Variants in ATP8A2 observed in about 807,000 individuals in gnomAD.
ATP8A2 encodes ATPase phospholipid transporting 8A2, also known as phospholipid-transporting ATPase IB.
A neutral mutation model predicts 165.6 loss-of-function variants in ATP8A2; 100 were observed. The ratio of observed to expected loss-of-function variants is 0.60; its 90% CI spans 0.51 to 0.71. The LOEUF (loss-of-function observed/expected upper bound fraction) is 0.71, where lower values mean the gene tolerates loss of function less well. Among genes scored for constraint, ATP8A2 ranks in the 30% least tolerant of loss-of-function variants. The pLI, the probability that ATP8A2 is intolerant of heterozygous loss-of-function variation, is 0.00. For synonymous variants in ATP8A2, 543 were observed against 548.8 expected (o/e 0.99, Z 0.15); for missense variants, 1,227 against 1,479.5 (o/e 0.83, Z 2.80).
intron 33 of ATP8A2, among the ~76,000 whole-genome samples, chr13:25,876,682 G>A (rs1952827262): frequency 6.6e-6 from 1 of 152,126 alleles, no homozygotes; most frequent in Non-Finnish European, 1.5e-5. Context: ...AGAAATAAAA[G>A]GAAATGGAGG....
Position 25,626,591 on chromosome 13 carries a change from T to C in ATP8A2, c.2211+36892T>C, listed in dbSNP as rs188653269. The stretch of plus-strand genomic sequence containing the variant: ...CCTTAAATAGAACTCAGAGCTCAAC[T>C]GTGGGAAGGTAGACGAATGAATAAG... On this transcript the variant is annotated intron_variant, in intron 24 of 36. Coordinates refer to ENST00000381655, the MANE Select transcript of ATP8A2 (RefSeq NM_016529.6). Among the ~76,000 whole-genome samples the C allele has an allele frequency of 1.9e-4, 29 of 152,264 alleles. 1 individual carries two copies. Among genetic ancestry groups the C allele is most frequent in the Middle Eastern group, 3.4e-3 (1 of 294 alleles).
At chr13:25,657,621 C>T (rs118047720) in intron 24 of ATP8A2, among the ~76,000 whole-genome samples, 1 of 152,288 alleles carries the variant, frequency 6.6e-6, no homozygotes, top group East Asian at 1.9e-4. Flanking sequence ...GCTGCAACCA[C>T]ACTAGTTTGC....
intron 36 of ATP8A2, among the ~76,000 whole-genome samples, chr13:26,015,031 T>C (rs1326272348): frequency 1.3e-5 from 2 of 152,162 alleles, no homozygotes; most frequent in Admixed American, 6.5e-5. Context: ...ATACACGATA[T>C]ATATGTTGTG....
chr13:25,450,595 G>C (rs1381289512), intron 1 of ATP8A2, among the ~76,000 whole-genome samples: 1 of 152,042 alleles, frequency 6.6e-6, no homozygotes, highest in South Asian at 2.1e-4. Flanking sequence ...GCAGTGGTGT[G>C]ATCTCGGCTC....
chr13:25,509,446 C>T (rs2137755411), intron 2 of ATP8A2, among the ~76,000 whole-genome samples: 1 of 152,076 alleles, frequency 6.6e-6, no homozygotes, highest in East Asian at 1.9e-4. Flanking sequence ...AAACTACCCA[C>T]ACAAATAAAA....
chr13:25,658,916 C>G (rs1293220584), intron 24 of ATP8A2, among the ~76,000 whole-genome samples: 1 of 152,262 alleles, frequency 6.6e-6, no homozygotes, highest in East Asian at 1.9e-4. Flanking sequence ...TAGTCTGCTC[C>G]TGGTGAGCTG....
intron 24 of ATP8A2, among the ~76,000 whole-genome samples, chr13:25,663,134 G>A (rs1355090621): frequency 6.6e-6 from 1 of 152,150 alleles, no homozygotes; most frequent in Admixed American, 6.5e-5. Context: ...AACTATCTTG[G>A]CCCAGATCAC....
At chr13:25,881,585 GAGAGAGAGAA>G (rs1162092065) in intron 33 of ATP8A2, among the ~76,000 whole-genome samples, 2 of 151,368 alleles carry the variant, frequency 1.3e-5, no homozygotes, top group Non-Finnish European at 2.9e-5. Context: ...CATGGAGAGA[GAGAGAGAGAA>G]AGAGAGAGAG....
intron 1 of ATP8A2, among the ~76,000 whole-genome samples, chr13:25,413,256 T>TTTTTTC (rs1299810448): frequency 6.6e-6 from 1 of 151,456 alleles, no homozygotes; most frequent in Non-Finnish European, 1.5e-5. Flanking sequence ...AGTCAGACTT[T>TTTTTTC]TTTTTCTTTT....
At chr13:25,924,642 T>G (rs1593569090) in intron 33 of ATP8A2, among the ~76,000 whole-genome samples, 1 of 151,758 alleles carries the variant, frequency 6.6e-6, no homozygotes. Flanking sequence ...AACATTTGAT[T>G]GGGGGGGAAT....
chr13:25,587,575 G>A (rs2039959228), intron 23 of ATP8A2, among the ~76,000 whole-genome samples: 1 of 152,334 alleles, frequency 6.6e-6, no homozygotes, highest in East Asian at 1.9e-4. Flanking sequence ...TGCAGCTGTT[G>A]TTGAAGTAAA....
intron 2 of ATP8A2, among the ~76,000 whole-genome samples, chr13:25,476,042 C>G (rs1286155413): frequency 6.6e-6 from 1 of 151,950 alleles, no homozygotes; most frequent in Non-Finnish European, 1.5e-5. Flanking sequence ...GATCATAATT[C>G]TAAAAGAATA....
At chr13:25,996,750 C>T (rs1452779802) in intron 35 of ATP8A2, among the ~76,000 whole-genome samples, 2 of 152,196 alleles carry the variant, frequency 1.3e-5, no homozygotes, top group African/African-American at 4.8e-5. Flanking sequence ...GTGGCACAAT[C>T]TCAGCTCACC....
At chr13:25,686,642 T>C (rs955673554) in intron 24 of ATP8A2, among the ~76,000 whole-genome samples, 5 of 152,182 alleles carry the variant, frequency 3.3e-5, no homozygotes, top group Non-Finnish European at 7.3e-5. Context: ...GGCTTAAAAA[T>C]ATTTCTTTTA....
chr13:25,512,601 T>C (rs2037274224), intron 2 of ATP8A2, among the ~76,000 whole-genome samples: 1 of 141,890 alleles, frequency 7.0e-6, no homozygotes, highest in African/African-American at 2.7e-5. Flanking sequence ...GAGGCGCCCC[T>C]CACCTCCCGG....
intron 28 of ATP8A2, among the ~76,000 whole-genome samples, chr13:25,831,449 G>C (rs1032499658): frequency 2.4e-4 from 36 of 152,138 alleles, no homozygotes; most frequent in African/African-American, 8.7e-4. Context: ...TCCTGAACTC[G>C]TGTTCCACCC....
intron 29 of ATP8A2, among the ~76,000 whole-genome samples, chr13:25,838,894 G>A (rs1327534793): frequency 6.6e-6 from 1 of 152,086 alleles, no homozygotes; most frequent in Non-Finnish European, 1.5e-5. Flanking sequence ...CAATGATTGC[G>A]ATGTATTAGT....
intron 24 of ATP8A2, among the ~76,000 whole-genome samples, chr13:25,604,746 G>A (rs1473059573): frequency 6.6e-6 from 1 of 152,190 alleles, no homozygotes; most frequent in Non-Finnish European, 1.5e-5. Flanking sequence ...AAGGTGGGTA[G>A]TATTAGTATT....
intron 9 of ATP8A2, among the ~76,000 whole-genome samples, chr13:25,542,544 T>C (rs1161104635): frequency 2.0e-5 from 3 of 152,122 alleles, no homozygotes; most frequent in Admixed American, 6.6e-5. Context: ...TGTTCTGGAG[T>C]TGTCTTTTGT....
Sources: allele counts gnomAD v4.1 joint callset (sites outside exome capture counted in the v4.1 genomes callset), GRCh38; gene constraint gnomAD v4.1.1; transcripts MANE v1.5; gene names NCBI Gene and HGNC (gene_info 2026-07-23, HGNC 2026-07-21).